COL6A6: variants seen among roughly 807,000 people sequenced by gnomAD.
The protein encoded by COL6A6 is collagen alpha-6(VI) chain.
COL6A6 carries 183 observed loss-of-function variants against 208.6 expected under a neutral mutation model. The ratio of observed to expected loss-of-function variants is 0.88; its 90% CI spans 0.78 to 0.99. COL6A6 has a LOEUF of 0.99. COL6A6 is among the 50% of genes least tolerant of loss of function. The pLI is 0.00. For synonymous variants in COL6A6, 973 were observed against 1,011.8 expected (o/e 0.96, Z 0.73); for missense variants, 2,816 against 2,815.2 (o/e 1.00, Z -0.01).
intron 26 of COL6A6, 21 bp from the exon 27 acceptor site, chr3:130,634,569 C>A: frequency 6.3e-7 from 1 of 1,597,698 alleles, no homozygotes; most frequent in South Asian, 1.1e-5. Flanking sequence ...CTGTATAAAT[C>A]TTTCCTCCTG....
intron 1 of COL6A6, among the ~76,000 whole-genome samples, chr3:130,554,812 G>C (rs758875672): frequency 2.0e-5 from 3 of 152,186 alleles, no homozygotes; most frequent in Non-Finnish European, 4.4e-5. Context: ...AGGCTGCAGT[G>C]GGGGAGGGGA....
chr3:130,667,543 C>T (rs895224339), intron 36 of COL6A6, among the ~76,000 whole-genome samples: 1 of 152,084 alleles, frequency 6.6e-6, no homozygotes, highest in Non-Finnish European at 1.5e-5. Context: ...CTGGCCTAAA[C>T]AAATGCATTT....
chr3:130,619,100 T>A (rs943708851), intron 23 of COL6A6, among the ~76,000 whole-genome samples: 5 of 152,206 alleles, frequency 3.3e-5, no homozygotes, highest in African/African-American at 9.7e-5. Context: ...GGTTGATGGG[T>A]TCTAGGTATC....
chr3:130,663,067 AAAAATG>A (rs1278983919), intron 35 of COL6A6, among the ~76,000 whole-genome samples: 1 of 152,208 alleles, frequency 6.6e-6, no homozygotes, highest in African/African-American at 2.4e-5. Flanking sequence ...CCAGATACAG[AAAAATG>A]AACACACAGG....
intron 12 of COL6A6, among the ~76,000 whole-genome samples, chr3:130,590,718 C>T (rs989932246): frequency 6.6e-6 from 1 of 151,980 alleles, no homozygotes; most frequent in Non-Finnish European, 1.5e-5. Flanking sequence ...CAGGCACCCG[C>T]CACCACACCC....
chr3:130,627,244 ATGT>A, intron 25 of COL6A6, 72 bp from the exon 26 acceptor site: 1 of 1,409,868 alleles, frequency 7.1e-7, no homozygotes, highest in Non-Finnish European at 1.0e-6. Flanking sequence ...AAAGCTGGCA[ATGT>A]TGTCCTCTTG....
At chr3:130,664,733 T>C (rs1198330446) in intron 35 of COL6A6, among the ~76,000 whole-genome samples, 4 of 152,228 alleles carry the variant, frequency 2.6e-5, no homozygotes, top group South Asian at 2.1e-4. Context: ...CTCATTGTTA[T>C]CTCCTCTAAT....
At chr3:130,584,199 C>T (rs1438898820) in intron 10 of COL6A6, among the ~76,000 whole-genome samples, 1 of 152,072 alleles carries the variant, frequency 6.6e-6, no homozygotes, top group African/African-American at 2.4e-5. Flanking sequence ...AGATAGGAGT[C>T]CCCTGATCCC....
intron 1 of COL6A6, among the ~76,000 whole-genome samples, chr3:130,547,934 A>G (rs930401268): frequency 5.3e-5 from 8 of 152,156 alleles, no homozygotes; most frequent in Non-Finnish European, 7.3e-5. Flanking sequence ...AGTAGCTGGC[A>G]CTACAGGCAC....
At chr3:130,624,215 G>A (rs1327984482) in intron 24 of COL6A6, among the ~76,000 whole-genome samples, 1 of 152,148 alleles carries the variant, frequency 6.6e-6, no homozygotes, top group African/African-American at 2.4e-5. Flanking sequence ...GGAGAGACCA[G>A]CATGTTTATA....
At chr3:130,523,722 T>C (rs1320481072) in intron 1 of COL6A6, among the ~76,000 whole-genome samples, 1 of 152,192 alleles carries the variant, frequency 6.6e-6, no homozygotes, top group East Asian at 1.9e-4. Flanking sequence ...GGCACTTTGA[T>C]GTAGCAGCTC....
At chr3:130,543,521 C>T (rs902730531) in intron 1 of COL6A6, among the ~76,000 whole-genome samples, 4 of 152,040 alleles carry the variant, frequency 2.6e-5, no homozygotes, top group Non-Finnish European at 5.9e-5. Flanking sequence ...CCTTTTTTTA[C>T]GCTGTTTTTA....
At chr3:130,516,856 A>G (rs1301940647), upstream of COL6A6, among the ~76,000 whole-genome samples, 1 of 152,230 alleles carries the variant, frequency 6.6e-6, no homozygotes, top group Non-Finnish European at 1.5e-5. Context: ...CGGTAGGAGC[A>G]GAGCTACTGC....
intron 1 of COL6A6, among the ~76,000 whole-genome samples, chr3:130,519,063 T>C (rs1262985595): frequency 1.3e-5 from 2 of 152,186 alleles, no homozygotes; most frequent in African/African-American, 4.8e-5. Flanking sequence ...GCAATTTTCA[T>C]TTTTTCCATT....
At chr3:130,604,355 C>A (rs530247370) in intron 20 of COL6A6, among the ~76,000 whole-genome samples, 1 of 152,004 alleles carries the variant, frequency 6.6e-6, no homozygotes, top group Non-Finnish European at 1.5e-5. Context: ...ATTAGCCGGG[C>A]GTGGTGGCGG....
rs1316273502 is a variant in COL6A6 at position 130,570,118 on chromosome 3, C to T, written c.2402-700C>T. Among the ~76,000 whole-genome samples the T allele has an allele frequency of 2.6e-5, 4 of 152,308 alleles. No individual in the cohort carries two copies. The East Asian group carries it at 7.7e-4, about 29-fold the overall frequency. ...ACTGCACCTTTGGAGGGAACATGCTCCACATGGATTAAGAATTAATTGGGT... is the reference window on the plus strand; with the variant it reads ...ACTGCACCTTTGGAGGGAACATGCTTCACATGGATTAAGAATTAATTGGGT... On this transcript the variant is annotated intron_variant, in intron 6 of 36. Coordinates refer to ENST00000358511, the MANE Select transcript of COL6A6 (RefSeq NM_001102608.3).
Position 130,649,456 on chromosome 3 carries a change from C to T in COL6A6, c.5627C>T (p.Ala1876Val), listed in dbSNP as rs1324838610. The change falls in exon 33 of 37, where the codon GCG (alanine) becomes GTG (valine). Residue 1876 changes from alanine to valine, a missense_variant. Coordinates refer to ENST00000358511, the MANE Select transcript of COL6A6 (RefSeq NM_001102608.3). Reference sequence around the variant, plus strand: ...ACATTTTTCAGCAGCGGTCAGTCCGCGGATGCCCACTCCATCACCACGGCT... The same window carrying T: ...ACATTTTTCAGCAGCGGTCAGTCCGTGGATGCCCACTCCATCACCACGGCT... ...IATFFSSGQS[A>V]DAHSITTAAM... The T allele has an allele frequency of 3.1e-6, 5 of 1,612,164 alleles. No individual in the cohort carries two copies. The highest frequency in any genetic ancestry group is 2.2e-5 in the East Asian group (1 of 44,818).
At position 130,561,634 on chromosome 3, in the gene COL6A6, C is replaced by CTTT. The variant is rs398052265; in HGVS notation, c.64+1233_64+1235dup. ...CTTAGATGTTTTCTAGTTGAATCTA[C>CTTT]TTTTTTTTTTTTTTTTTTTTTTTTT... is the stretch of plus-strand genomic sequence containing the variant. On this transcript the variant is annotated intron_variant, in intron 2 of 36. Coordinates refer to ENST00000358511, the MANE Select transcript of COL6A6 (RefSeq NM_001102608.3). 2.8e-3 allele frequency among the ~76,000 whole-genome samples: 216 copies of CTTT among 75,960 alleles called. 31 individuals are homozygous for CTTT. The highest frequency in any genetic ancestry group is 0.012 in the African/African-American group (201 of 17,386). 49.8% of individuals were successfully genotyped at this position (75,960 alleles called of 152,430 possible). A position where few individuals can be genotyped will look rare whatever the true frequency, so the allele number is the denominator to read the frequency against.
At chr3:130,521,360 T>C (rs1711059259) in intron 1 of COL6A6, among the ~76,000 whole-genome samples, 1 of 152,256 alleles carries the variant, frequency 6.6e-6, no homozygotes, top group Non-Finnish European at 1.5e-5. Flanking sequence ...CACAGTCATA[T>C]TTGGCTATTA....
Sources: allele counts gnomAD v4.1 joint callset (sites outside exome capture counted in the v4.1 genomes callset), GRCh38; gene constraint gnomAD v4.1.1; transcripts MANE v1.5; gene names NCBI Gene and HGNC (gene_info 2026-07-23, HGNC 2026-07-21).